The following CCDC138 variants were observed in gnomAD, a reference collection of about 807,000 sequenced individuals.
CCDC138 encodes the protein coiled-coil domain containing 138.
CCDC138 carries 66 observed loss-of-function variants against 82.3 expected under a neutral mutation model. That is an observed-to-expected ratio of 0.80 (90% CI 0.66 to 0.98). The LOEUF (loss-of-function observed/expected upper bound fraction) is 0.98. Ranked by LOEUF, CCDC138 falls within the 50% of genes least tolerant of loss-of-function variation. The probability of loss-of-function intolerance (pLI) is 0.00; values close to 1 mark genes in which losing one functional copy is unlikely to be tolerated. For synonymous variants in CCDC138, 297 were observed against 265.4 expected, an observed-to-expected ratio of 1.12 and a Z score of -1.16; for missense variants, 816 against 758.9, an observed-to-expected ratio of 1.08 and a Z score of -0.88.
chr2:108,816,500 C>T (rs969022286), intron 10 of CCDC138, among the ~76,000 whole-genome samples: 3 of 152,040 alleles, frequency 2.0e-5, no homozygotes, highest in African/African-American at 4.8e-5. Flanking sequence ...TGATGAGGCC[C>T]TTCTTCCTGG....
At chr2:108,811,247 C>CTTTTTTTTTTTTTTTTTTTTTTTTTT (rs55661786) in intron 7 of CCDC138, among the ~76,000 whole-genome samples, 6 of 113,898 alleles carry the variant, frequency 5.3e-5, no homozygotes, top group African/African-American at 1.1e-4. Context: ...TTCTCTCTCT[C>CTTTTTTTTTTTTTTTTTTTTTTTTTT]TTTTTTTTTT....
rs1573908258 is a variant in CCDC138 at position 108,791,570 on chromosome 2, T to C, written c.267-105T>C. The C allele has an allele frequency of 2.2e-6, 3 of 1,345,580 alleles. No homozygotes were observed. The East Asian group carries it at 7.1e-5, about 32-fold the overall frequency. 83.4% of individuals were successfully genotyped at this position (1,345,580 alleles called of 1,614,324 possible). Reference sequence around the variant, plus strand: ...CATTTTGCAGTTTAAAAAATGTTTTTACATTTTTTCTCAGTTATGCTGTTA... The same window carrying C: ...CATTTTGCAGTTTAAAAAATGTTTTCACATTTTTTCTCAGTTATGCTGTTA... On this transcript the variant is annotated intron_variant, in intron 3 of 14. Transcript: ENST00000295124.
intron 4 of CCDC138, among the ~76,000 whole-genome samples, chr2:108,793,652 A>AG (rs1046495097): frequency 6.6e-6 from 1 of 150,846 alleles, no homozygotes; most frequent in Non-Finnish European, 1.5e-5. Flanking sequence ...GCTGGAGTGC[A>AG]GTAGCGCGAT....
At chr2:108,831,706 T>TTCCTTCCTTCC (rs1687673125) in intron 10 of CCDC138, among the ~76,000 whole-genome samples, 1 of 145,656 alleles carries the variant, frequency 6.9e-6, no homozygotes, top group Non-Finnish European at 1.6e-5. Flanking sequence ...AGAATCTTCC[T>TTCCTTCCTTCC]TCCTTCCTTC....
intron 9 of CCDC138, among the ~76,000 whole-genome samples, chr2:108,815,448 G>A (rs6734772): frequency 0.8 from 111,469 of 139,858 alleles, 44,807 homozygotes; most frequent in East Asian, 0.95. Flanking sequence ...TATTAGTTGG[G>A]GAGGTTTTTG....
At chr2:108,818,128 A>G (rs1000427737) in intron 10 of CCDC138, among the ~76,000 whole-genome samples, 2 of 152,080 alleles carry the variant, frequency 1.3e-5, no homozygotes, top group African/African-American at 4.8e-5. Flanking sequence ...CAACATGGTG[A>G]CACCCCATCT....
intron 10 of CCDC138, among the ~76,000 whole-genome samples, chr2:108,828,229 A>G (rs1686974355): frequency 1.3e-5 from 2 of 152,250 alleles, no homozygotes. Context: ...ATAACATTAA[A>G]TATTTATCAA....
At chr2:108,794,335 G>A (rs1464641217) in intron 4 of CCDC138, among the ~76,000 whole-genome samples, 1 of 151,730 alleles carries the variant, frequency 6.6e-6, no homozygotes, top group Non-Finnish European at 1.5e-5. Context: ...AAGTTGCAAA[G>A]ATAGTGCAAT....
chr2:108,833,485 A>G (rs1307780999), intron 10 of CCDC138, among the ~76,000 whole-genome samples: 1 of 152,192 alleles, frequency 6.6e-6, no homozygotes, highest in East Asian at 1.9e-4. Flanking sequence ...CTTGGCAGGA[A>G]CCTCAAAGAA....
rs2150308312 is a variant in CCDC138, at chr2:108,833,177, A to C, written c.1207-6008A>C. Among the ~76,000 whole-genome samples the C allele has an allele frequency of 2.0e-5, 3 of 152,362 alleles. No homozygotes were observed. In the South Asian group the frequency reaches 6.2e-4, roughly 32 times the overall value. ...TTATTTCCTGTGATACATGGTGGATACATGTCATTATATGTTGTCAAAATC... is the reference window on the plus strand; with the variant it reads ...TTATTTCCTGTGATACATGGTGGATCCATGTCATTATATGTTGTCAAAATC... On this transcript the variant is annotated intron_variant, in intron 10 of 14. Coordinates refer to ENST00000295124, the MANE Select transcript of CCDC138 (RefSeq NM_144978.3).
chr2:108,853,948 C>G (rs1692053703), intron 12 of CCDC138, among the ~76,000 whole-genome samples: 3 of 107,810 alleles, frequency 2.8e-5, no homozygotes, highest in African/African-American at 1.1e-4. Context: ...ATATAATATA[C>G]AATAAATATA....
At chr2:108,798,824 C>CACAT in intron 6 of CCDC138, among the ~76,000 whole-genome samples, 1 of 133,614 alleles carries the variant, frequency 7.5e-6, no homozygotes, top group East Asian at 2.0e-4. Context: ...CCTACACACA[C>CACAT]ACACACACAC....
intron 1 of CCDC138, 48 bp downstream of exon 1, chr2:108,786,963 G>A (rs1167531170): frequency 6.7e-6 from 9 of 1,333,336 alleles, no homozygotes; most frequent in Admixed American, 3.1e-5. Flanking sequence ...CTGCTGGGGG[G>A]CGGCCCGCTC....
intron 12 of CCDC138, among the ~76,000 whole-genome samples, chr2:108,849,490 G>T (rs181071540): frequency 1.1e-3 from 165 of 152,096 alleles, no homozygotes; most frequent in African/African-American, 3.9e-3. Flanking sequence ...GACTCTCCAT[G>T]ACCTTTTCAG....
chr2:108,877,755 A>G (rs1696124995), downstream of CCDC138, among the ~76,000 whole-genome samples: 4 of 152,194 alleles, frequency 2.6e-5, no homozygotes, highest in Admixed American at 2.6e-4. Context: ...GGCCAAAGAA[A>G]GAACTGCATG....
At chr2:108,835,028 A>G (rs1688344804) in intron 10 of CCDC138, among the ~76,000 whole-genome samples, 1 of 152,238 alleles carries the variant, frequency 6.6e-6, no homozygotes, top group Non-Finnish European at 1.5e-5. Flanking sequence ...TTGCACTTGC[A>G]TTGAGATTCA....
rs556518468 is a variant in CCDC138 at position 108,826,962 on chromosome 2, GAA to G, written c.1206+10860_1206+10861del. On this transcript the variant is annotated intron_variant, in intron 10 of 14. Transcript: ENST00000295124. The stretch of plus-strand genomic sequence containing the variant: ...AGGGTATAAGTTTTGTACTTATTTT[GAA>G]AAGTTAGTTTCACAGTATTTTTATT... Among the ~76,000 whole-genome samples, 4 of 152,116 alleles carry G rather than the reference GAA, an allele frequency of 2.6e-5. No homozygotes were observed. The East Asian group carries it at 7.7e-4, about 29-fold the overall frequency.
chr2:108,860,312 T>C (rs1373466496), intron 13 of CCDC138, among the ~76,000 whole-genome samples: 1 of 152,176 alleles, frequency 6.6e-6, no homozygotes, highest in Non-Finnish European at 1.5e-5. Flanking sequence ...GTCTTCCTCT[T>C]TGGATGCCTT....
chr2:108,828,196 G>A (rs1034018145), intron 10 of CCDC138, among the ~76,000 whole-genome samples: 3 of 151,978 alleles, frequency 2.0e-5, no homozygotes, highest in African/African-American at 7.3e-5. Context: ...AGGTTATCGT[G>A]AAACCATAGA....
Sources: gnomAD v4.1 joint callset for allele counts (sites outside exome capture counted in the v4.1 genomes callset) on GRCh38, gnomAD v4.1.1 for gene constraint, MANE v1.5 for transcripts, NCBI Gene and HGNC (gene_info 2026-07-23, HGNC 2026-07-21) for gene names.